Variants in TSBP1 observed in about 807,000 individuals in gnomAD.
TSBP1 encodes testis expressed basic protein 1.
Under a neutral mutation model 68.8 loss-of-function variants are expected in TSBP1, and 56 were observed. The observed-to-expected ratio is 0.81, with a 90% CI of 0.66 to 1.02. TSBP1 has a LOEUF of 1.02. TSBP1 is among the 50% of genes least tolerant of loss of function. The pLI, the probability that TSBP1 is intolerant of heterozygous loss-of-function variation, is 0.00. For synonymous variants in TSBP1, 171 were observed against 208.7 expected (o/e 0.82, Z 1.56); for missense variants, 502 against 641.2 (o/e 0.78, Z 2.34).
intron 14 of TSBP1, among the ~76,000 whole-genome samples, chr6:32,332,989 G>A (rs181360599): frequency 1.4e-4 from 21 of 151,492 alleles, no homozygotes; most frequent in Admixed American, 7.2e-4. Context: ...GATAAATATC[G>A]AAAGCCTGTT....
In TSBP1 at chr6:32,337,369, G is replaced by A. The variant is rs774231824; in HGVS notation, c.410-734C>T. ...GCAGCGTTCCTTCCCCTTTCCCCAC[G>A]GGTGTCCTGCTTGTATCTCAGGAGA... On this transcript the variant is annotated intron_variant, in intron 11 of 22. Coordinates refer to ENST00000612031, the Ensembl canonical transcript of TSBP1. This position sits in a 1 kb window ranked among gnomAD's most constrained non-coding sequence, Gnocchi z 5.5. Among the ~76,000 whole-genome samples the A allele has an allele frequency of 1.3e-5, 2 of 152,142 alleles. No individual in the cohort carries two copies. Among genetic ancestry groups the A allele is most frequent in the Non-Finnish European group, 2.9e-5 (2 of 68,018 alleles).
chr6:32,317,587 G>A (rs1053099430), intron 18 of TSBP1, among the ~76,000 whole-genome samples: 1 of 152,148 alleles, frequency 6.6e-6, no homozygotes. Flanking sequence ...TCCAGCGCCT[G>A]TAAGGAACTT....
intron 9 of TSBP1, among the ~76,000 whole-genome samples, chr6:32,341,135 C>G (rs1443471716): frequency 6.6e-6 from 1 of 152,062 alleles, no homozygotes; most frequent in Non-Finnish European, 1.5e-5. Context: ...TGTGGCGTTT[C>G]CCAGCTGAAG....
At chr6:32,367,419 G>A (rs1458321717) in intron 4 of TSBP1, among the ~76,000 whole-genome samples, 4 of 152,026 alleles carry the variant, frequency 2.6e-5, no homozygotes, top group Admixed American at 6.5e-5. Context: ...AGTAGACAGC[G>A]CATTGCCGTC....
chr6:32,326,049 A>C (rs1318322714), intron 16 of TSBP1: 1 of 1,494,410 alleles, frequency 6.7e-7, no homozygotes, highest in Admixed American at 1.7e-5. Context: ...CCATGAAGGG[A>C]GGAAACTTTG....
chr6:32,361,026 C>T lies in TSBP1; in HGVS notation c.217+5141G>A, dbSNP rs1008283123. Among the ~76,000 whole-genome samples, 5 of 152,076 alleles carry T rather than the reference C, an allele frequency of 3.3e-5. No individual in the cohort carries two copies. Among genetic ancestry groups the T allele is most frequent in the African/African-American group, 1.2e-4 (5 of 41,378 alleles). On this transcript the variant is annotated intron_variant, in intron 6 of 22. Transcript: ENST00000612031. The surrounding 1 kb of genome is among the most constrained non-coding windows in gnomAD (Gnocchi z 4.3). The stretch of plus-strand genomic sequence containing the variant: ...GTATTTCTCCTAATGCTATCCCTCC[C>T]TGCTTCCCCCACCCCGCAACAGGCC...
intron 21 of TSBP1, 28 bp downstream of exon 24, chr6:32,300,652 G>A: frequency 1.2e-6 from 2 of 1,609,590 alleles, no homozygotes; most frequent in Non-Finnish European, 8.5e-7. Context: ...ACAGAAATAG[G>A]TAAGGCAAGG....
At chr6:32,344,654 A>G (rs1187470818) in intron 9 of TSBP1, among the ~76,000 whole-genome samples, 1 of 152,116 alleles carries the variant, frequency 6.6e-6, no homozygotes, top group Non-Finnish European at 1.5e-5. Context: ...TACCCTCACC[A>G]GGGAGCATCA....
intron 19 of TSBP1, among the ~76,000 whole-genome samples, chr6:32,310,761 A>ATATATATATATATAT: frequency 3.5e-5 from 5 of 144,806 alleles, no homozygotes; most frequent in Non-Finnish European, 3.0e-5. Context: ...ATATATATAT[A>ATATATATATATATAT]TTTTTAATCT....
Position 32,321,723 on chromosome 6 carries a change from T to C in TSBP1, c.559+1394A>G, listed in dbSNP as rs1391457792. On this transcript the variant is annotated intron_variant, in intron 18 of 22. Transcript: ENST00000612031. The surrounding 1 kb of genome is among the most constrained non-coding windows in gnomAD (Gnocchi z 4.3). ...TACCAATGCCTTTGTCCTAACATTA[T>C]TGAAATGAGTAAAATGTTATTATGA... Among the ~76,000 whole-genome samples, 13 of 152,218 alleles carry C rather than the reference T, an allele frequency of 8.5e-5. No individual in the cohort carries two copies. Among genetic ancestry groups the C allele is most frequent in the Non-Finnish European group, 1.2e-4 (8 of 68,032 alleles).
Position 32,302,468 on chromosome 6 carries a change from C to T in TSBP1, c.601+141G>A, listed in dbSNP as rs936707916. On this transcript the variant is annotated intron_variant, in intron 20 of 22. Transcript: ENST00000612031. The surrounding 1 kb of genome is among the most constrained non-coding windows in gnomAD (Gnocchi z 5.1). ...GACCCTGTCTCAGAACAAAACAAAA[C>T]CAAAAACACCAAACAAACCAAAAAA... 1 of 698,428 alleles carries T rather than the reference C, an allele frequency of 1.4e-6. No homozygotes were observed. Among genetic ancestry groups the T allele is most frequent in the African/African-American group, 1.8e-5 (1 of 54,236 alleles). The allele number at this position is 698,428 out of a possible 1,614,324, so 43.3% of individuals were successfully genotyped here.
Position 32,349,925 on chromosome 6 carries a change from T to C in TSBP1, c.260-96A>G, listed in dbSNP as rs899162724. On this transcript the variant is annotated intron_variant, in intron 8 of 22. Coordinates refer to ENST00000612031, the Ensembl canonical transcript of TSBP1. ...ATGCAATGTGGTGAGCAGCTGGATATCTACATATGGATTCCAATACTTTTG... is the reference window on the plus strand; with the variant it reads ...ATGCAATGTGGTGAGCAGCTGGATACCTACATATGGATTCCAATACTTTTG... 6.1e-5 allele frequency: 49 copies of C among 803,512 alleles called. No individual in the cohort carries two copies. The Admixed American group carries it at 8.3e-4, about 14-fold the overall frequency. The allele number at this position is 803,512 out of a possible 1,614,324, so 49.8% of individuals were successfully genotyped here. A position where few individuals can be genotyped will look rare whatever the true frequency, so the allele number is the denominator to read the frequency against.
At chr6:32,323,024 C>A in intron 18 of TSBP1, 93 bp downstream of exon 19, 3 of 933,016 alleles carry the variant, frequency 3.2e-6, no homozygotes, top group South Asian at 1.6e-5. Context: ...AATAAGGAAG[C>A]AAGAGAAGAA....
At chr6:32,349,856 G>T (rs1319583719) in intron 8 of TSBP1, 96 bp from the exon 9 acceptor site, 1 of 1,416,778 alleles carries the variant, frequency 7.1e-7, no homozygotes, top group African/African-American at 1.4e-5. Flanking sequence ...TTGTGGAAAA[G>T]AGGATAGAAA....
chr6:32,368,761 C>T (rs771978326), intron 3 of TSBP1, 21 bp downstream of exon 3: 1 of 1,560,872 alleles, frequency 6.4e-7, no homozygotes, highest in Non-Finnish European at 8.8e-7. Flanking sequence ...ATTTATTTTT[C>T]TCATGAGTAT....
chr6:32,355,820 A>G lies in TSBP1; in HGVS notation c.218-151T>C, dbSNP rs558881851. The G allele has an allele frequency of 1.7e-4, 167 of 958,548 alleles. 1 individual carries two copies. In the African/African-American group the frequency reaches 2.1e-3, roughly 12 times the overall value. The allele number at this position is 958,548 out of a possible 1,614,324, so 59.4% of individuals were successfully genotyped here. A position where few individuals can be genotyped will look rare whatever the true frequency, so the allele number is the denominator to read the frequency against. On this transcript the variant is annotated intron_variant, in intron 6 of 22. Transcript: ENST00000612031. ...AAATCTCCTCATGGCTTAATTTATAAGTTTAATGACATTAAAAAAACAGGC... is the reference window on the plus strand; with the variant it reads ...AAATCTCCTCATGGCTTAATTTATAGGTTTAATGACATTAAAAAAACAGGC...
intron 15 of TSBP1, 27 bp downstream of exon 16, chr6:32,332,007 A>G: frequency 6.4e-7 from 1 of 1,559,052 alleles, no homozygotes; most frequent in Non-Finnish European, 8.8e-7. Context: ...GCCAGTAGAG[A>G]TAAGTTGATA....
intron 6 of TSBP1, among the ~76,000 whole-genome samples, chr6:32,359,878 A>AT (rs535519928): frequency 6.6e-6 from 1 of 151,846 alleles, no homozygotes; most frequent in African/African-American, 2.4e-5. Flanking sequence ...TACTCAGATT[A>AT]TTTTTTTCTT....
At position 32,302,737 on chromosome 6, in the gene TSBP1, A is replaced by G; in HGVS notation, c.581-108T>C. ...TTGTTTTTTCTAGGGTACCATAAAG[A>G]CTTCTAGCAGAATACAATGAAATAT... On this transcript the variant is annotated intron_variant, in intron 19 of 22. Coordinates refer to ENST00000612031, the Ensembl canonical transcript of TSBP1. The surrounding 1 kb of genome is among the most constrained non-coding windows in gnomAD (Gnocchi z 5.1). 2 of 728,590 alleles carry G rather than the reference A, an allele frequency of 2.7e-6. No homozygotes were observed. Among genetic ancestry groups the G allele is most frequent in the South Asian group, 3.6e-5 (2 of 55,684 alleles). 45.1% of individuals were successfully genotyped at this position (728,590 alleles called of 1,614,324 possible). A position where few individuals can be genotyped will look rare whatever the true frequency, so the allele number is the denominator to read the frequency against.
Sources: allele counts gnomAD v4.1 joint callset (sites outside exome capture counted in the v4.1 genomes callset), GRCh38; gene constraint gnomAD v4.1.1; non-coding constraint Gnocchi (gnomAD v3.1); transcripts MANE v1.5; gene names NCBI Gene and HGNC (gene_info 2026-07-23, HGNC 2026-07-21).